Variants in ACTN4 observed in about 807,000 individuals in gnomAD.
ACTN4 encodes the protein actinin alpha 4, also known as alpha-actinin-4.
In ACTN4, 18 loss-of-function variants were observed where a neutral mutation model predicts 114.2. That is an observed-to-expected ratio of 0.16 (90% confidence interval 0.11 to 0.23). The LOEUF is 0.23. ACTN4 is among the 10% of genes least tolerant of loss of function. The pLI is 1.00. For missense variants in ACTN4, 722 were observed against 1,262.9 expected (o/e 0.57, Z 6.49); for synonymous variants, 515 against 506.3 (o/e 1.02, Z -0.23).
intron 1 of ACTN4, among the ~76,000 whole-genome samples, chr19:38,687,859 G>T (rs1261853010): frequency 1.3e-5 from 2 of 152,184 alleles, no homozygotes; most frequent in African/African-American, 2.4e-5. Context: ...TTTACAAATT[G>T]TATATCTGAT....
intron 1 of ACTN4, among the ~76,000 whole-genome samples, chr19:38,673,136 T>C (rs982047818): frequency 6.6e-6 from 1 of 150,492 alleles, no homozygotes; most frequent in South Asian, 2.1e-4. Context: ...AGAGACAGGG[T>C]TTTATCATGT....
rs137985903 is a variant in ACTN4, at chr19:38,725,729, C to T, written c.2016C>T (p.Ile672=). 2.1e-4 allele frequency: 341 copies of T among 1,613,732 alleles called. No individual in the cohort carries two copies. In the African/African-American group the frequency reaches 3.3e-3, roughly 16 times the overall value. Residue 672 remains isoleucine (I), a synonymous_variant, in exon 17 of 21, where the codon ATC becomes ATT. Transcript: ENST00000252699. ...GPWIQTKMEE[I]GRISIEMNGT... is the part of the protein sequence containing the mutation. Reference sequence around the variant, plus strand: ...GCCTGCACCCACCCCCGTAGGAGATCGGGCGCATCTCCATTGAGATGAACG... The same window carrying T: ...GCCTGCACCCACCCCCGTAGGAGATTGGGCGCATCTCCATTGAGATGAACG...
intron 1 of ACTN4, among the ~76,000 whole-genome samples, chr19:38,650,941 C>G (rs766492265): frequency 3.9e-5 from 6 of 152,146 alleles, no homozygotes; most frequent in Non-Finnish European, 7.4e-5. Flanking sequence ...CCATGTTGGT[C>G]GGGCTGGTCT....
At chr19:38,687,364 C>T (rs1196229137) in intron 1 of ACTN4, among the ~76,000 whole-genome samples, 1 of 152,190 alleles carries the variant, frequency 6.6e-6, no homozygotes, top group Non-Finnish European at 1.5e-5. Flanking sequence ...TCATGTTAGA[C>T]TCACTAGGTG....
At chr19:38,728,400 C>T (rs1394231396) in intron 19 of ACTN4, 1 of 1,254,608 alleles carries the variant, frequency 8.0e-7, no homozygotes, top group Admixed American at 2.4e-5. Context: ...CTCTGTCTCC[C>T]CAGCCACCCG....
chr19:38,709,850 C>G (rs1968584442), intron 7 of ACTN4, among the ~76,000 whole-genome samples: 1 of 152,214 alleles, frequency 6.6e-6, no homozygotes, highest in Non-Finnish European at 1.5e-5. Flanking sequence ...CTGCAGCAGG[C>G]ATGGAGTATG....
At chr19:38,654,416 G>A (rs926117905) in intron 1 of ACTN4, among the ~76,000 whole-genome samples, 2 of 152,172 alleles carry the variant, frequency 1.3e-5, no homozygotes, top group African/African-American at 2.4e-5. Flanking sequence ...CAAAAAATTA[G>A]CCGGGCACGG....
intron 3 of ACTN4, 75 bp downstream of exon 3, chr19:38,701,196 C>T: frequency 2.5e-6 from 4 of 1,603,580 alleles, no homozygotes; most frequent in African/African-American, 1.3e-5. Flanking sequence ...CATCTGCATC[C>T]TGAAGAGAAG....
chr19:38,721,888 G>GGA, intron 12 of ACTN4, 200 bp downstream of exon 12: 1 of 760,788 alleles, frequency 1.3e-6, no homozygotes, highest in Non-Finnish European at 2.2e-6. Flanking sequence ...GCCCCAGGTG[G>GGA]GACACCTGAA....
chr19:38,662,380 T>C (rs1334599039), intron 1 of ACTN4, among the ~76,000 whole-genome samples: 3 of 152,232 alleles, frequency 2.0e-5, no homozygotes, highest in Non-Finnish European at 2.9e-5. Context: ...TTAGCACTGA[T>C]GATTTGACAA....
In ACTN4 at chr19:38,714,321, G is replaced by T. The variant is rs73038924; in HGVS notation, c.820-148G>T. The T allele has an allele frequency of 0.16, 124,007 of 755,198 alleles. 11,537 individuals are homozygous for T. The highest frequency in any genetic ancestry group is 0.29 in the Middle Eastern group (844 of 2,884). The allele number at this position is 755,198 out of a possible 1,614,324, so 46.8% of individuals were successfully genotyped here. On this transcript the variant is annotated intron_variant, in intron 8 of 20. Coordinates refer to ENST00000252699, the MANE Select transcript of ACTN4 (RefSeq NM_004924.6). ...GATGCCAACAAGGCCTATTGGGACA[G>T]GGCACCATCTCACTGGAGCTGTGCT...
At chr19:38,705,994 C>G (rs1393051317) in intron 4 of ACTN4, 50 bp from the exon 5 acceptor site, 1 of 1,599,614 alleles carries the variant, frequency 6.3e-7, no homozygotes, top group African/African-American at 1.3e-5. Flanking sequence ...GGGCTGAGTT[C>G]TGAGGGTTTA....
chr19:38,721,823 T>G, intron 12 of ACTN4, 135 bp downstream of exon 12: 1 of 1,329,470 alleles, frequency 7.5e-7, no homozygotes, highest in Non-Finnish European at 1.0e-6. Flanking sequence ...TGCACCTCCT[T>G]CCAGAAGCCA....
chr19:38,716,866 C>G (rs1968858686), intron 9 of ACTN4, among the ~76,000 whole-genome samples: 1 of 152,222 alleles, frequency 6.6e-6, no homozygotes, highest in South Asian at 2.1e-4. Flanking sequence ...AACAAGAGAA[C>G]AGTACAGTGA....
At chr19:38,691,401 C>CAAAAAAA (rs34899917) in intron 1 of ACTN4, among the ~76,000 whole-genome samples, 3 of 52,872 alleles carry the variant, frequency 5.7e-5, no homozygotes, top group East Asian at 5.5e-4. Context: ...AACTCCGTCT[C>CAAAAAAA]AAAAAAAAAA....
intron 1 of ACTN4, among the ~76,000 whole-genome samples, chr19:38,683,473 G>T (rs1387108246): frequency 6.6e-6 from 1 of 152,152 alleles, no homozygotes; most frequent in Non-Finnish European, 1.5e-5. Flanking sequence ...CAGAGGAGGG[G>T]TCTGAGCCAG....
chr19:38,669,129 GAC>G (rs1348629889), intron 1 of ACTN4, among the ~76,000 whole-genome samples: 3 of 152,160 alleles, frequency 2.0e-5, no homozygotes, highest in Non-Finnish European at 4.4e-5. Flanking sequence ...TGGGATTACA[GAC>G]GCCTGCCACC....
chr19:38,710,897 A>C, intron 8 of ACTN4: 1 of 187,264 alleles, frequency 5.3e-6, no homozygotes, highest in Non-Finnish European at 1.1e-5. Flanking sequence ...GCCCAACAAG[A>C]CCCTTGTGGT....
chr19:38,700,815 G>A (rs1968247573), intron 2 of ACTN4, 101 bp downstream of exon 2: 1 of 1,375,702 alleles, frequency 7.3e-7, no homozygotes, highest in Non-Finnish European at 1.0e-6. Flanking sequence ...ATTGCTCCTG[G>A]GGAGGAGAGG....
Sources: allele counts gnomAD v4.1 joint callset (sites outside exome capture counted in the v4.1 genomes callset), GRCh38; gene constraint gnomAD v4.1.1; transcripts MANE v1.5; gene names NCBI Gene and HGNC (gene_info 2026-07-23, HGNC 2026-07-21).